The following NPEPL1 variants were observed in gnomAD, a reference collection of about 807,000 sequenced individuals.
NPEPL1 encodes the protein probable aminopeptidase NPEPL1.
NPEPL1 carries 45 observed loss-of-function variants against 52.4 expected under a neutral mutation model. The ratio of observed to expected loss-of-function variants is 0.86; its 90% CI spans 0.68 to 1.10. NPEPL1 has a LOEUF of 1.10. NPEPL1 is among the 50% of genes least tolerant of loss of function. The pLI is 0.00. For missense variants in NPEPL1, 696 were observed against 710.9 expected (o/e 0.98, Z 0.24); for synonymous variants, 360 against 314.7 (o/e 1.14, Z -1.52).
intron 6 of NPEPL1, among the ~76,000 whole-genome samples, chr20:58,704,985 A>C (rs2084709858): frequency 6.6e-6 from 1 of 152,210 alleles, no homozygotes; most frequent in Non-Finnish European, 1.5e-5. Flanking sequence ...GTTCTGCAGA[A>C]ATTCAAATTT....
At chr20:58,691,270 A>G, upstream of NPEPL1, 1 of 664,104 alleles carries the variant, frequency 1.5e-6, no homozygotes, top group Non-Finnish European at 2.7e-6. Context: ...CAGCTGCTGT[A>G]AAATCTTTTG....
Position 58,714,661 on chromosome 20 carries a change from G to A in NPEPL1, c.1404G>A (p.Pro468=), listed in dbSNP as rs747393412. ...GVWVHLDIAA[P]VHAGERATGF... ...GGGTCCACCTGGACATTGCTGCACC[G>A]GTGCATGCTGTGAGTGTCTCCCCTC... is the stretch of plus-strand genomic sequence containing the variant. Residue 468 remains proline, a synonymous_variant, in exon 11 of 12, where the codon CCG becomes CCA. Coordinates refer to ENST00000356091, the MANE Select transcript of NPEPL1 (RefSeq NM_024663.4). 2.3e-5 allele frequency: 36 copies of A among 1,589,350 alleles called. No homozygotes were observed. Among genetic ancestry groups the A allele is most frequent in the Middle Eastern group, 1.7e-4 (1 of 6,028 alleles).
At chr20:58,700,934 G>A (rs1023038877) in intron 5 of NPEPL1, 82 bp from the exon 6 acceptor site, 38 of 1,322,500 alleles carry the variant, frequency 2.9e-5, no homozygotes, top group Admixed American at 1.1e-4. Flanking sequence ...AACACCAGCC[G>A]GCCAGAGTTT....
intron 3 of NPEPL1, among the ~76,000 whole-genome samples, chr20:58,694,900 C>T (rs546344224): frequency 8.2e-4 from 125 of 152,152 alleles, no homozygotes; most frequent in Admixed American, 2.9e-3. Flanking sequence ...TCCGTGTGCA[C>T]GTGTGTGATG....
chr20:58,705,278 C>G (rs563307821), intron 6 of NPEPL1, among the ~76,000 whole-genome samples: 8 of 152,112 alleles, frequency 5.3e-5, no homozygotes, highest in Non-Finnish European at 1.2e-4. Flanking sequence ...AAGATGGTGT[C>G]GTGGCCAGAG....
In NPEPL1 at chr20:58,713,875, T is replaced by G. The variant is rs542339701; in HGVS notation, c.1126-42T>G. 14 of 1,422,780 alleles carry G rather than the reference T, an allele frequency of 9.8e-6. No homozygotes were observed. The African/African-American group carries it at 2.0e-4, about 21-fold the overall frequency. 88.1% of individuals were successfully genotyped at this position (1,422,780 alleles called of 1,614,324 possible). On this transcript the variant is annotated intron_variant, in intron 9 of 11. Coordinates refer to ENST00000356091, the MANE Select transcript of NPEPL1 (RefSeq NM_024663.4). The surrounding 1 kb of genome is among the most constrained non-coding windows in gnomAD (Gnocchi z 4.6). ...TCTTTTGCCTTGGGTGTTTCTCTCC[T>G]GCCGTCCCGTCCACACGCTTCCCGG...
At chr20:58,691,041 C>A (rs949746168), upstream of NPEPL1, 1 of 700,114 alleles carries the variant, frequency 1.4e-6, no homozygotes, top group Non-Finnish European at 2.6e-6. Context: ...CAGGACTTCT[C>A]CCACGTGGAA....
chr20:58,691,246 T>C (rs1232641781), upstream of NPEPL1: 2 of 682,838 alleles, frequency 2.9e-6, no homozygotes, highest in Non-Finnish European at 2.7e-6. Context: ...CCTTTACCAA[T>C]GTGTGAAAAC....
At position 58,695,320 on chromosome 20, in the gene NPEPL1, G is replaced by GGTGT. The variant is rs556803572; in HGVS notation, c.507+736_507+739dup. On this transcript the variant is annotated intron_variant, in intron 3 of 11. Coordinates refer to ENST00000356091, the MANE Select transcript of NPEPL1 (RefSeq NM_024663.4). Reference sequence around the variant, plus strand: ...TATGAGTGCTAGTGTGTGCATGAGTGGTGTGTGTGTGGTGTGTGTGCATGT... The same window carrying GGTGT: ...TATGAGTGCTAGTGTGTGCATGAGTGGTGTGTGTGTGTGTGGTGTGTGTGCATGT... Among the ~76,000 whole-genome samples the GGTGT allele has an allele frequency of 6.4e-4, 97 of 152,376 alleles. 3 individuals carry two copies. In the South Asian group the frequency reaches 0.018, roughly 28 times the overall value.
In NPEPL1 at chr20:58,692,911, T is replaced by A; in HGVS notation, c.11T>A (p.Val4Glu). ...TGGGCCGGCAGGAAGATGGCGAACG[T>A]GGGGCTGCAGTTCCAGGCGAGCGCG... is the stretch of plus-strand genomic sequence containing the variant. MAN[V>E]GLQFQASAGD... is the part of the protein sequence containing the mutation. Residue 4 changes from valine to glutamate, a missense_variant, in exon 1 of 12, where the codon GTG (valine) becomes GAG (glutamate). Coordinates refer to ENST00000356091, the MANE Select transcript of NPEPL1 (RefSeq NM_024663.4). This position sits in a 1 kb window ranked among gnomAD's most constrained non-coding sequence, Gnocchi z 5.7. The A allele has an allele frequency of 9.3e-7, 1 of 1,079,792 alleles. No homozygotes were observed. The highest frequency in any genetic ancestry group is 1.1e-6 in the Non-Finnish European group (1 of 886,968). 66.9% of individuals were successfully genotyped at this position (1,079,792 alleles called of 1,614,324 possible).
intron 8 of NPEPL1, 176 bp downstream of exon 8, chr20:58,712,755 C>G: frequency 4.4e-6 from 3 of 688,474 alleles, no homozygotes; most frequent in Non-Finnish European, 8.0e-6. Flanking sequence ...GCGCACCTCA[C>G]GTTGAGGGGC....
intron 6 of NPEPL1, among the ~76,000 whole-genome samples, chr20:58,702,181 G>T (rs1050724047): frequency 1.3e-5 from 2 of 152,262 alleles, no homozygotes; most frequent in African/African-American, 4.8e-5. Flanking sequence ...TTGAAACCAG[G>T]AAGGATTCTC....
Position 58,713,983 on chromosome 20 carries a change from G to A in NPEPL1, c.1192G>A (p.Val398Met), listed in dbSNP as rs2084906275. 1.3e-6 allele frequency: 2 copies of A among 1,523,726 alleles called. No homozygotes were observed. The highest frequency in any genetic ancestry group is 1.3e-5 in the South Asian group (1 of 79,746). The allele number at this position is 1,523,726 out of a possible 1,614,324, so 94.4% of individuals were successfully genotyped here. ...CAGCGCTGAGTGGGAGGCCGCCTGT[G>A]TGAAGGCGGGCAGGAAGTGTGGGGA... The part of the protein sequence containing the change: ...TNSAEWEAAC[V>M]KAGRKCGDLV... The change falls in exon 10 of 12, where the codon GTG (valine) becomes ATG (methionine). Residue 398 changes from valine (V) to methionine (M), a missense_variant. Coordinates refer to ENST00000356091, the MANE Select transcript of NPEPL1 (RefSeq NM_024663.4). The surrounding 1 kb of genome is among the most constrained non-coding windows in gnomAD (Gnocchi z 4.6).
chr20:58,692,086 CTG>C (rs1568844510), upstream of NPEPL1: 1 of 524,822 alleles, frequency 1.9e-6, no homozygotes, highest in Admixed American at 3.4e-5. This position sits in a 1 kb window ranked among gnomAD's most constrained non-coding sequence, Gnocchi z 5.7. Flanking sequence ...CCTGCTTAGA[CTG>C]TGCCAGATGA....
rs2084605332 is a variant in NPEPL1 at position 58,701,006 on chromosome 20, C to T, written c.680-10C>T. 1 of 1,564,232 alleles carries T rather than the reference C, an allele frequency of 6.4e-7. No homozygotes were observed. The highest frequency in any genetic ancestry group is 8.7e-7 in the Non-Finnish European group (1 of 1,154,012). On this transcript the variant is annotated splice_polypyrimidine_tract_variant and intron_variant, in intron 5 of 11. Coordinates refer to ENST00000356091, the MANE Select transcript of NPEPL1 (RefSeq NM_024663.4). ...CGAGCCTAACCCAGTTCTCCCCACG[C>T]TTTCCATAGGAATCTATGGGGTTGG...
chr20:58,714,492 G>A lies in NPEPL1; in HGVS notation c.1303-68G>A, dbSNP rs569830239. ...CTTGCAGACAGCAATAGTGACAGGC[G>A]ATGGGGCAGGGTGGAGAGGGCCCGG... is the stretch of plus-strand genomic sequence containing the variant. On this transcript the variant is annotated intron_variant, in intron 10 of 11. Coordinates refer to ENST00000356091, the MANE Select transcript of NPEPL1 (RefSeq NM_024663.4). The A allele has an allele frequency of 1.0e-3, 1,179 of 1,152,954 alleles. 2 individuals are homozygous for A. The highest frequency in any genetic ancestry group is 1.3e-3 in the Non-Finnish European group (1,078 of 822,998). The allele number at this position is 1,152,954 out of a possible 1,614,324, so 71.4% of individuals were successfully genotyped here. A position where few individuals can be genotyped will look rare whatever the true frequency, so the allele number is the denominator to read the frequency against.
Position 58,692,871 on chromosome 20 carries a change from G to T in NPEPL1, c.-30G>T. The T allele has an allele frequency of 9.9e-7, 1 of 1,015,072 alleles. No homozygotes were observed. The highest frequency in any genetic ancestry group is 1.2e-6 in the Non-Finnish European group (1 of 849,014). The allele number at this position is 1,015,072 out of a possible 1,614,324, so 62.9% of individuals were successfully genotyped here. Reference sequence around the variant, plus strand: ...CCGAGCGGCGGGCCGGGCCGGGCCGGGCAGGGCCGGGGCGTGGGCCGGCAG... The same window carrying T: ...CCGAGCGGCGGGCCGGGCCGGGCCGTGCAGGGCCGGGGCGTGGGCCGGCAG... On this transcript the variant is annotated 5_prime_UTR_variant, in exon 1 of 12. Coordinates refer to ENST00000356091, the MANE Select transcript of NPEPL1 (RefSeq NM_024663.4). The surrounding 1 kb of genome is among the most constrained non-coding windows in gnomAD (Gnocchi z 5.7).
rs1383691508 is a variant in NPEPL1, at chr20:58,715,217, GC to G, written c.1465del (p.Arg489ValfsTer8). On this transcript the variant is annotated frameshift_variant, in exon 12 of 12. Coordinates refer to ENST00000356091, the MANE Select transcript of NPEPL1 (RefSeq NM_024663.4). LOFTEE classifies it high-confidence loss of function. The part of the protein sequence containing the change: ...FGVALLLALF[G>X]RASEDPLLNL... The stretch of plus-strand genomic sequence containing the variant: ...GTGGCCCTCCTGCTGGCGCTCTTCG[GC>G]CGTGCCTCTGAGGACCCTCTGCTGA... 6.2e-7 allele frequency: 1 copy of G among 1,608,312 alleles called. No homozygotes were observed. The highest frequency in any genetic ancestry group is 8.5e-7 in the Non-Finnish European group (1 of 1,178,714).
chr20:58,693,779 G>A lies in NPEPL1; in HGVS notation c.193G>A (p.Asp65Asn). The A allele has an allele frequency of 6.2e-7, 1 of 1,613,344 alleles. No homozygotes were observed. Among genetic ancestry groups the A allele is most frequent in the Non-Finnish European group, 8.5e-7 (1 of 1,179,392 alleles). The change falls in exon 2 of 12, where the codon GAC becomes AAC. Residue 65 changes from aspartate to asparagine, a missense_variant. Physicochemically the swap from Asp to Asn is conservative, Grantham distance 23. Transcript: ENST00000356091. ...ALSTLNPNPTDSCPLYLNYAT... is the reference protein window; with the variant it reads ...ALSTLNPNPTNSCPLYLNYAT... ...GAGCACGCTCAACCCCAACCCCACG[G>A]ACAGCTGTCCCCTCTACCTGAACTA...
Sources: allele counts gnomAD v4.1 joint callset (sites outside exome capture counted in the v4.1 genomes callset), GRCh38; gene constraint gnomAD v4.1.1; non-coding constraint Gnocchi (gnomAD v3.1); transcripts MANE v1.5; gene names NCBI Gene and HGNC (gene_info 2026-07-23, HGNC 2026-07-21).